Variants in FBXW11 observed in about 807,000 individuals in gnomAD.
The protein encoded by FBXW11 is F-box/WD repeat-containing protein 11.
FBXW11 carries 19 observed loss-of-function variants against 77.6 expected under a neutral mutation model. That is an observed-to-expected ratio of 0.24 (90% confidence interval 0.17 to 0.36). The LOEUF (loss-of-function observed/expected upper bound fraction) is 0.36, where lower values mean the gene tolerates loss of function less well. FBXW11 is among the 10% of genes least tolerant of loss of function. The probability of loss-of-function intolerance (pLI) is 1.00; values close to 1 mark genes in which losing one functional copy is unlikely to be tolerated. For synonymous variants in FBXW11, 235 were observed against 249.4 expected, an observed-to-expected ratio of 0.94 and a Z score of 0.54; for missense variants, 334 against 704.2, an observed-to-expected ratio of 0.47 and a Z score of 5.95.
intron 1 of FBXW11, among the ~76,000 whole-genome samples, chr5:171,960,231 C>A (rs541655747): frequency 6.6e-6 from 1 of 152,118 alleles, no homozygotes; most frequent in African/African-American, 2.4e-5. Flanking sequence ...CAAAAGTAGC[C>A]AAGCATGGTG....
At chr5:171,996,822 A>G (rs1766083441) in intron 1 of FBXW11, 1 of 1,115,940 alleles carries the variant, frequency 9.0e-7, no homozygotes, top group South Asian at 1.6e-5. Context: ...ATAAGGGAAA[A>G]TATTTTTCAA....
At chr5:171,888,711 G>A (rs1438412248) in intron 7 of FBXW11, among the ~76,000 whole-genome samples, 2 of 152,180 alleles carry the variant, frequency 1.3e-5, no homozygotes, top group Non-Finnish European at 2.9e-5. Context: ...CAGGGGACTG[G>A]ACAATCAACA....
intron 13 of FBXW11, among the ~76,000 whole-genome samples, chr5:171,867,259 A>C (rs1757457175): frequency 6.6e-6 from 1 of 152,202 alleles, no homozygotes; most frequent in Non-Finnish European, 1.5e-5. Flanking sequence ...TGTTGCAACT[A>C]CTAAGCTCTG....
chr5:171,886,826 C>T (rs1163145136), intron 7 of FBXW11, among the ~76,000 whole-genome samples: 2 of 151,848 alleles, frequency 1.3e-5, no homozygotes, highest in East Asian at 1.9e-4. Flanking sequence ...CCAGCCTGGC[C>T]AGCATAGCGA....
At chr5:171,951,916 A>G (rs1341445437) in intron 2 of FBXW11, among the ~76,000 whole-genome samples, 2 of 152,386 alleles carry the variant, frequency 1.3e-5, no homozygotes, top group East Asian at 3.9e-4. Context: ...TAAGATTAGC[A>G]TAATTTTGAA....
intron 2 of FBXW11, among the ~76,000 whole-genome samples, chr5:171,924,437 A>C (rs1342161636): frequency 6.6e-6 from 1 of 152,146 alleles, no homozygotes; most frequent in Non-Finnish European, 1.5e-5. Context: ...AAAAACCCTG[A>C]ACTCAGCCAC....
At chr5:171,902,114 C>T (rs1760166147) in intron 4 of FBXW11, among the ~76,000 whole-genome samples, 1 of 152,116 alleles carries the variant, frequency 6.6e-6, no homozygotes, top group African/African-American at 2.4e-5. Context: ...GTGCCATTGC[C>T]CAGTCCATAT....
chr5:171,971,785 C>T (rs778860614), intron 1 of FBXW11, among the ~76,000 whole-genome samples: 1 of 152,170 alleles, frequency 6.6e-6, no homozygotes, highest in South Asian at 2.1e-4. Context: ...GAGTTCAACA[C>T]CAGCTTGGGC....
intron 1 of FBXW11, among the ~76,000 whole-genome samples, chr5:171,982,332 T>C (rs1765193577): frequency 6.6e-6 from 1 of 152,184 alleles, no homozygotes; most frequent in South Asian, 2.1e-4. Context: ...TGCAATGGCA[T>C]AATCTCAGCT....
intron 1 of FBXW11, among the ~76,000 whole-genome samples, chr5:171,976,763 T>C (rs1238229160): frequency 6.6e-6 from 1 of 152,044 alleles, no homozygotes; most frequent in East Asian, 1.9e-4. Flanking sequence ...CATAAATCTC[T>C]GGGCCGGGTG....
At chr5:171,983,181 G>A (rs558776962) in intron 1 of FBXW11, among the ~76,000 whole-genome samples, 18 of 152,168 alleles carry the variant, frequency 1.2e-4, no homozygotes, top group Admixed American at 7.2e-4. Context: ...GAGCAAGACC[G>A]TCTCAAAAAC....
At chr5:172,001,986 G>C (rs1238556992) in intron 1 of FBXW11, among the ~76,000 whole-genome samples, 1 of 152,168 alleles carries the variant, frequency 6.6e-6, no homozygotes, top group African/African-American at 2.4e-5. Flanking sequence ...AAGGAAAGTA[G>C]GCAGAAAAGC....
chr5:171,974,977 A>G (rs1461889853), intron 1 of FBXW11, among the ~76,000 whole-genome samples: 2 of 151,934 alleles, frequency 1.3e-5, no homozygotes, highest in African/African-American at 4.8e-5. Flanking sequence ...TATTTTTAGT[A>G]GAGACAGGGT....
intron 7 of FBXW11, among the ~76,000 whole-genome samples, chr5:171,882,719 G>C (rs906072934): frequency 1.3e-5 from 2 of 150,880 alleles, no homozygotes; most frequent in Non-Finnish European, 3.0e-5. Flanking sequence ...TTTTTTTACT[G>C]ATTTCTAGTT....
At chr5:171,894,585 C>T (rs1052626768) in intron 6 of FBXW11, among the ~76,000 whole-genome samples, 9 of 152,104 alleles carry the variant, frequency 5.9e-5, no homozygotes, top group African/African-American at 1.7e-4. Context: ...CCAAGGCCAC[C>T]GGCACAAGAA....
chr5:171,971,414 A>G (rs1464146720), intron 1 of FBXW11, among the ~76,000 whole-genome samples: 2 of 152,176 alleles, frequency 1.3e-5, no homozygotes, highest in African/African-American at 4.8e-5. Context: ...CCCTCCTTTA[A>G]GACCCTTTTT....
chr5:172,001,011 T>C (rs780476598), intron 1 of FBXW11, among the ~76,000 whole-genome samples: 1 of 152,204 alleles, frequency 6.6e-6, no homozygotes, highest in African/African-American at 2.4e-5. Context: ...GAGTTCTATG[T>C]AAATCAATCT....
At chr5:171,886,840 C>T (rs1446059781) in intron 7 of FBXW11, among the ~76,000 whole-genome samples, 1 of 151,936 alleles carries the variant, frequency 6.6e-6, no homozygotes, top group East Asian at 1.9e-4. Context: ...ATAGCGAAAC[C>T]TCATCTCTAC....
Position 171,914,325 on chromosome 5 carries a change from G to T in FBXW11, c.210+18C>A. ...CAGTAAGTCAGTTGCTATCTAATCT[G>T]TGCGCCGTCATTCCTACCTGCCAAA... On this transcript the variant is annotated intron_variant, in intron 3 of 13. Coordinates refer to ENST00000517395, the MANE Select transcript of FBXW11 (RefSeq NM_001378974.1). 1.9e-6 allele frequency: 3 copies of T among 1,595,666 alleles called. No homozygotes were observed. Among genetic ancestry groups the T allele is most frequent in the Non-Finnish European group, 2.6e-6 (3 of 1,170,282 alleles).
Sources: gnomAD v4.1 joint callset for allele counts (sites outside exome capture counted in the v4.1 genomes callset) on GRCh38, gnomAD v4.1.1 for gene constraint, MANE v1.5 for transcripts, NCBI Gene and HGNC (gene_info 2026-07-23, HGNC 2026-07-21) for gene names.